Variants in ESR1 observed in about 807,000 individuals in gnomAD.
The protein encoded by ESR1 is estrogen receptor 1.
A neutral mutation model predicts 52.7 loss-of-function variants in ESR1; 12 were observed. The observed-to-expected ratio is 0.23, with a 90% confidence interval of 0.15 to 0.37. The LOEUF is 0.37. ESR1 is among the 10% of genes least tolerant of loss of function. The pLI is 1.00. For missense variants in ESR1, 584 were observed against 779.7 expected (o/e 0.75, Z 2.99); for synonymous variants, 305 against 316.8 (o/e 0.96, Z 0.39).
chr6:151,975,234 G>T (rs2039326446), intron 4 of ESR1, among the ~76,000 whole-genome samples: 1 of 152,140 alleles, frequency 6.6e-6, no homozygotes, highest in South Asian at 2.1e-4. Context: ...CTCCTACAAG[G>T]TTGTCTCTAT....
intron 3 of ESR1, among the ~76,000 whole-genome samples, chr6:151,922,946 C>G (rs1197345450): frequency 1.3e-5 from 2 of 152,170 alleles, no homozygotes; most frequent in Non-Finnish European, 2.9e-5. Flanking sequence ...AACATTCTAG[C>G]CTTCTCCTCT....
chr6:151,944,078 A>T, intron 3 of ESR1, 95 bp from the exon 4 acceptor site: 1 of 1,049,252 alleles, frequency 9.5e-7, no homozygotes, highest in Non-Finnish European at 1.4e-6. Flanking sequence ...TATTTCTTCA[A>T]ATAAAATGAA....
intron 3 of ESR1, among the ~76,000 whole-genome samples, chr6:151,892,745 C>T (rs141937970): frequency 7.7e-4 from 118 of 152,262 alleles, no homozygotes; most frequent in African/African-American, 2.7e-3. Flanking sequence ...TTAAATATCG[C>T]ATAGGCTAGT....
intron 1 of ESR1, among the ~76,000 whole-genome samples, chr6:151,659,339 G>A (rs1285102816): frequency 6.6e-6 from 1 of 152,202 alleles, no homozygotes; most frequent in Non-Finnish European, 1.5e-5. Context: ...GACCATTAGA[G>A]GAGATGACTA....
At chr6:152,049,240 T>A (rs1245364398) in intron 5 of ESR1, among the ~76,000 whole-genome samples, 1 of 152,238 alleles carries the variant, frequency 6.6e-6, no homozygotes, top group Non-Finnish European at 1.5e-5. Flanking sequence ...CAGAAGCATC[T>A]GTAATAACCA....
At position 151,675,966 on chromosome 6, in the gene ESR1, C is replaced by T. The variant is rs117938847; in HGVS notation, n.73+19203C>T. On this transcript the variant is annotated intron_variant and non_coding_transcript_variant, in intron 1 of 2. Coordinates refer to the ESR1 transcript ENST00000473497. ...AGAAGGGAAGGCCAGCACCTGCCTG[C>T]AGATTCCAAGGCACAGGTGGAGGTG... is the stretch of plus-strand genomic sequence containing the variant. Among the ~76,000 whole-genome samples the T allele has an allele frequency of 8.0e-3, 1,223 of 152,318 alleles. 10 individuals carry two copies. Among genetic ancestry groups the T allele is most frequent in the East Asian group, 0.06 (310 of 5,184 alleles).
At chr6:151,871,008 C>T (rs1440629105) in intron 2 of ESR1, among the ~76,000 whole-genome samples, 1 of 151,988 alleles carries the variant, frequency 6.6e-6, no homozygotes, top group African/African-American at 2.4e-5. Context: ...CACACTACCA[C>T]ACTTGGCTAA....
At chr6:151,795,108 T>G (rs9478242) in intron 2 of ESR1, among the ~76,000 whole-genome samples, 5,602 of 152,216 alleles carry the variant, frequency 0.037, 166 homozygotes, top group South Asian at 0.16. Flanking sequence ...GAGGTGGAAA[T>G]TGCCCCAATT....
At chr6:152,071,330 A>G (rs2048337672) in intron 6 of ESR1, among the ~76,000 whole-genome samples, 1 of 152,252 alleles carries the variant, frequency 6.6e-6, no homozygotes, top group Non-Finnish European at 1.5e-5. Flanking sequence ...TTAAGGAAAT[A>G]TAAAACCACC....
chr6:151,921,350 T>C (rs2031629665), intron 3 of ESR1, among the ~76,000 whole-genome samples: 1 of 152,216 alleles, frequency 6.6e-6, no homozygotes. Context: ...GGCATTTGGT[T>C]TGATTCCATG....
intron 1 of ESR1, among the ~76,000 whole-genome samples, chr6:151,840,936 A>G (rs1327190015): frequency 6.6e-6 from 1 of 151,992 alleles, no homozygotes; most frequent in African/African-American, 2.4e-5. Context: ...TTCCACCTTT[A>G]TTTGATTGCA....
At chr6:152,085,269 C>T (rs562141817) in intron 6 of ESR1, among the ~76,000 whole-genome samples, 258 of 152,156 alleles carry the variant, frequency 1.7e-3, no homozygotes, top group Non-Finnish European at 3.0e-3. Context: ...CACCACTGTA[C>T]TCCACCCTGG....
chr6:151,956,689 TA>T (rs1584460061), intron 4 of ESR1, among the ~76,000 whole-genome samples: 2 of 151,670 alleles, frequency 1.3e-5, no homozygotes, highest in East Asian at 3.9e-4. Flanking sequence ...CGTGCATGTT[TA>T]AAGAGTTGTA....
intron 3 of ESR1, among the ~76,000 whole-genome samples, chr6:151,891,657 T>A (rs1294465007): frequency 6.6e-6 from 1 of 152,208 alleles, no homozygotes; most frequent in African/African-American, 2.4e-5. Flanking sequence ...GACCCATGGT[T>A]TAATGCTCCT....
At chr6:151,734,735 G>T (rs1309836824) in intron 2 of ESR1, among the ~76,000 whole-genome samples, 1 of 151,694 alleles carries the variant, frequency 6.6e-6, no homozygotes, top group Non-Finnish European at 1.5e-5. Context: ...TGATTCTCCT[G>T]CCTCAGCCTC....
chr6:151,792,925 C>T (rs1776319680), intron 2 of ESR1, among the ~76,000 whole-genome samples: 1 of 152,100 alleles, frequency 6.6e-6, no homozygotes, highest in Non-Finnish European at 1.5e-5. Context: ...AATCCTAGCA[C>T]TTTGGGAGGC....
intron 3 of ESR1, among the ~76,000 whole-genome samples, chr6:151,911,214 A>G (rs1180061398): frequency 2.0e-5 from 3 of 152,130 alleles, no homozygotes; most frequent in African/African-American, 7.2e-5. Flanking sequence ...GTTTGTTCAA[A>G]TATTTTTTCC....
chr6:152,095,254 G>T (rs1450031313), intron 7 of ESR1, among the ~76,000 whole-genome samples: 1 of 152,130 alleles, frequency 6.6e-6, no homozygotes, highest in African/African-American at 2.4e-5. Context: ...CTTTCACTTT[G>T]TTTTTATTAC....
intron 3 of ESR1, among the ~76,000 whole-genome samples, chr6:151,898,854 C>A (rs1795993223): frequency 6.6e-6 from 1 of 152,220 alleles, no homozygotes; most frequent in Non-Finnish European, 1.5e-5. Context: ...CCACCTTTCC[C>A]CCCTTTCTAT....
Sources: gnomAD v4.1 joint callset for allele counts (sites outside exome capture counted in the v4.1 genomes callset) on GRCh38, gnomAD v4.1.1 for gene constraint, MANE v1.5 for transcripts, NCBI Gene and HGNC (gene_info 2026-07-23, HGNC 2026-07-21) for gene names.